The following RBFOX2 variants were observed in gnomAD, a reference collection of about 807,000 sequenced individuals.
RBFOX2 encodes the protein RNA binding protein fox-1 homolog 2.
RBFOX2 carries 10 observed loss-of-function variants against 49.1 expected under a neutral mutation model. That is an observed-to-expected ratio of 0.20 (90% CI 0.13 to 0.35). RBFOX2 has a LOEUF of 0.35. Among genes scored for constraint, RBFOX2 ranks in the 10% least tolerant of loss-of-function variants. RBFOX2 has a pLI of 1.00. For synonymous variants in RBFOX2, 183 were observed against 187.4 expected (o/e 0.98, Z 0.19); for missense variants, 323 against 486.9 (o/e 0.66, Z 3.17).
At chr22:35,855,392 A>C (rs1157429225) in intron 1 of RBFOX2, among the ~76,000 whole-genome samples, 1 of 152,104 alleles carries the variant, frequency 6.6e-6, no homozygotes, top group Non-Finnish European at 1.5e-5. Context: ...CTCTTTAGCA[A>C]AGACATGCAA....
At chr22:35,897,298 C>CA (rs2047972717) in intron 1 of RBFOX2, 5 of 1,506,620 alleles carry the variant, frequency 3.3e-6, no homozygotes, top group Non-Finnish European at 4.6e-6. Flanking sequence ...TTCACATCCT[C>CA]AATTTCAGCA....
At chr22:35,845,209 C>T (rs1465423546), upstream of RBFOX2, among the ~76,000 whole-genome samples, 1 of 152,100 alleles carries the variant, frequency 6.6e-6, no homozygotes, top group Non-Finnish European at 1.5e-5. Flanking sequence ...GTGTAAATAA[C>T]AATTTACACC....
intron 1 of RBFOX2, among the ~76,000 whole-genome samples, chr22:35,832,349 G>A (rs1230673812): frequency 6.6e-6 from 1 of 151,630 alleles, no homozygotes; most frequent in Admixed American, 6.6e-5. Context: ...TTCCAACCTG[G>A]GCGAAAGAGT....
intron 1 of RBFOX2, among the ~76,000 whole-genome samples, chr22:35,990,676 G>A (rs974480748): frequency 2.0e-5 from 3 of 152,206 alleles, no homozygotes; most frequent in Non-Finnish European, 4.4e-5. Flanking sequence ...TGCTGGATCA[G>A]TCTTCCACAC....
chr22:36,017,873 C>G (rs1033025547), intron 1 of RBFOX2, among the ~76,000 whole-genome samples: 4 of 152,192 alleles, frequency 2.6e-5, no homozygotes, highest in African/African-American at 9.7e-5. Context: ...TATGCCTACC[C>G]AACACATTCT....
chr22:35,884,824 C>T (rs1265069461), intron 1 of RBFOX2, among the ~76,000 whole-genome samples: 1 of 152,150 alleles, frequency 6.6e-6, no homozygotes, highest in Non-Finnish European at 1.5e-5. Context: ...TGTATTACAA[C>T]ATATTGGTTA....
exon 12 of RBFOX2, chr22:35,742,453 A>G (rs917395295): frequency 7.9e-5 from 12 of 152,698 alleles, no homozygotes; most frequent in African/African-American, 2.2e-4. Flanking sequence ...TGAGTCAGTT[A>G]TCAGTCAAGA....
chr22:35,741,154 G>A (rs1929760202), exon 12 of RBFOX2: 1 of 152,242 alleles, frequency 6.6e-6, no homozygotes, highest in Non-Finnish European at 1.5e-5. Flanking sequence ...TAGGTGACAT[G>A]AGGAATTCTG....
intron 1 of RBFOX2, among the ~76,000 whole-genome samples, chr22:36,024,516 C>T (rs1455798492): frequency 2.0e-5 from 3 of 151,874 alleles, no homozygotes; most frequent in South Asian, 2.1e-4. Flanking sequence ...CCAACGCAGG[C>T]GATCACCTGA....
chr22:35,795,001 T>C (rs1204070143), intron 2 of RBFOX2, among the ~76,000 whole-genome samples: 1 of 152,148 alleles, frequency 6.6e-6, no homozygotes, highest in Non-Finnish European at 1.5e-5. Flanking sequence ...TCTTATATGA[T>C]CCAAAGGGCA....
At chr22:35,865,813 T>C (rs2043612284) in intron 1 of RBFOX2, among the ~76,000 whole-genome samples, 1 of 152,162 alleles carries the variant, frequency 6.6e-6, no homozygotes, top group African/African-American at 2.4e-5. Flanking sequence ...CAAATGATAA[T>C]ACATATCTGG....
chr22:35,782,664 A>T (rs1351514636), intron 2 of RBFOX2, among the ~76,000 whole-genome samples: 2 of 152,000 alleles, frequency 1.3e-5, no homozygotes, highest in Non-Finnish European at 1.5e-5. Flanking sequence ...CTCCTCCCTA[A>T]CTTATGCAAT....
chr22:35,908,243 G>C (rs1464843937), intron 1 of RBFOX2, among the ~76,000 whole-genome samples: 1 of 152,174 alleles, frequency 6.6e-6, no homozygotes, highest in Non-Finnish European at 1.5e-5. Context: ...ACATTACAGG[G>C]ATGTTGTCAA....
intron 1 of RBFOX2, among the ~76,000 whole-genome samples, chr22:35,894,770 T>C (rs1170608860): frequency 6.6e-6 from 1 of 152,058 alleles, no homozygotes; most frequent in African/African-American, 2.4e-5. Flanking sequence ...CCACTCCTTA[T>C]ATGTGCAAGT....
upstream of RBFOX2, among the ~76,000 whole-genome samples, chr22:35,961,881 C>T (rs1373005870): frequency 1.3e-5 from 2 of 152,054 alleles, no homozygotes; most frequent in Admixed American, 6.5e-5. Flanking sequence ...CCTCTCAACC[C>T]CACCCAAAAG....
At position 35,801,449 on chromosome 22, in the gene RBFOX2, T is replaced by A. The variant is rs4821444; in HGVS notation, c.252+8331A>T. 3.7e-4 allele frequency among the ~76,000 whole-genome samples: 49 copies of A among 133,912 alleles called. 1 individual carries two copies. Among genetic ancestry groups the A allele is most frequent in the South Asian group, 1.5e-3 (6 of 4,054 alleles). The allele number at this position is 133,912 out of a possible 152,430, so 87.9% of individuals were successfully genotyped here. On this transcript the variant is annotated intron_variant, in intron 2 of 11. Transcript: ENST00000405409. ...CACATACACACACACACACACACAC[T>A]CTCTCTCTCTCTCTCTCTCCCTCCC...
At chr22:35,812,506 C>T (rs2148221660) in intron 1 of RBFOX2, among the ~76,000 whole-genome samples, 1 of 152,246 alleles carries the variant, frequency 6.6e-6, no homozygotes, top group African/African-American at 2.4e-5. Context: ...CTCTCTGTCT[C>T]TCTCTAGCCA....
chr22:35,802,200 T>C (rs1398961865), intron 2 of RBFOX2, among the ~76,000 whole-genome samples: 2 of 151,876 alleles, frequency 1.3e-5, no homozygotes, highest in African/African-American at 4.8e-5. Flanking sequence ...AATATACAAC[T>C]GGAGATCTGA....
At chr22:35,829,019 C>A (rs1956314227) in intron 1 of RBFOX2, among the ~76,000 whole-genome samples, 1 of 152,142 alleles carries the variant, frequency 6.6e-6, no homozygotes, top group Admixed American at 6.5e-5. Context: ...CCACTGCACT[C>A]CAGCCTGGGC....
Sources: allele counts gnomAD v4.1 joint callset (sites outside exome capture counted in the v4.1 genomes callset), GRCh38; gene constraint gnomAD v4.1.1; transcripts MANE v1.5; gene names NCBI Gene and HGNC (gene_info 2026-07-23, HGNC 2026-07-21).